Variants in NEMF observed in about 807,000 individuals in gnomAD.
NEMF encodes ribosome quality control complex subunit NEMF.
A neutral mutation model predicts 162.2 loss-of-function variants in NEMF; 89 were observed. That is an observed-to-expected ratio of 0.55 (90% confidence interval 0.46 to 0.65). The LOEUF is 0.65. NEMF is among the 30% of genes least tolerant of loss of function. The pLI is 0.00. For missense variants in NEMF, 1,133 were observed against 1,261.9 expected (o/e 0.90, Z 1.55); for synonymous variants, 421 against 404.5 (o/e 1.04, Z -0.49).
chr14:49,843,457 G>A (rs1482558767), intron 4 of NEMF, among the ~76,000 whole-genome samples: 1 of 152,106 alleles, frequency 6.6e-6, no homozygotes, highest in African/African-American at 2.4e-5. Flanking sequence ...TCATGCCACT[G>A]AATTCCAGCC....
intron 6 of NEMF, among the ~76,000 whole-genome samples, chr14:49,837,758 T>C (rs1892975636): frequency 6.8e-6 from 1 of 146,918 alleles, no homozygotes; most frequent in Non-Finnish European, 1.5e-5. Flanking sequence ...GGATCAAAAA[T>C]GCTTATTGGG....
intron 16 of NEMF, among the ~76,000 whole-genome samples, chr14:49,816,508 C>G (rs1891722768): frequency 1.3e-5 from 2 of 152,202 alleles, no homozygotes; most frequent in Non-Finnish European, 2.9e-5. Flanking sequence ...ATAAAGCTTG[C>G]TGGCTTTAAG....
Position 49,846,247 on chromosome 14 carries a change from T to C in NEMF, c.250A>G (p.Ser84Gly), listed in dbSNP as rs1340513790. Reference protein sequence around the residue: ...FAMKCRKHLKSRRLVSAKQLG... With the variant: ...FAMKCRKHLKGRRLVSAKQLG... ...TGTTTTGCACTGACTAATCTCCGAC[T>C]CTTCAAATGTTTTCGGCACTAGCAA... Residue 84 changes from serine (S) to glycine (G), a missense_variant, in exon 4 of 33, where the codon AGT becomes GGT. By Grantham distance (56) the Ser-to-Gly change is moderately conservative. Around this residue, in one of 3 missense-constraint regions of NEMF, gnomAD observed 582 missense variants for 631.5 expected, o/e 0.92. Coordinates refer to ENST00000298310, the MANE Select transcript of NEMF (RefSeq NM_004713.6). 6.2e-7 allele frequency: 1 copy of C among 1,611,300 alleles called. No homozygotes were observed. Among genetic ancestry groups the C allele is most frequent in the Non-Finnish European group, 8.5e-7 (1 of 1,179,402 alleles).
chr14:49,796,318 C>T (rs146457116), intron 25 of NEMF: 11 of 460,300 alleles, frequency 2.4e-5, no homozygotes, highest in Non-Finnish European at 3.5e-5. Context: ...ATCTGTTGAC[C>T]GGTTGGTTGA....
chr14:49,836,108 C>G (rs1458835226), intron 6 of NEMF, among the ~76,000 whole-genome samples: 1 of 152,104 alleles, frequency 6.6e-6, no homozygotes, highest in Non-Finnish European at 1.5e-5. Context: ...GGTGAAACCC[C>G]ATCTCTACTA....
rs554810200 is a variant in NEMF at position 49,789,550 on chromosome 14, T to G, written c.2643A>C (p.Glu881Asp). 1.9e-6 allele frequency: 3 copies of G among 1,610,984 alleles called. No homozygotes were observed. The highest frequency in any genetic ancestry group is 2.5e-6 in the Non-Finnish European group (3 of 1,179,410). ...CTTCTTCATCCTGGTCTTTGTATTT[T>G]TCTTTCATTTTTTTCATTTTACTCT... Reference protein sequence around the residue: ...GQKSKMKKMKEKYKDQDEEDR... With the variant: ...GQKSKMKKMKDKYKDQDEEDR... Residue 881 changes from glutamate (E) to aspartate (D), a missense_variant, in exon 27 of 33, where the codon GAA (glutamate) becomes GAC (aspartate). Glu to Asp is a conservative substitution (Grantham distance 45). Transcript: ENST00000298310.
intron 3 of NEMF, among the ~76,000 whole-genome samples, chr14:49,850,472 TA>T (rs1893719083): frequency 6.6e-6 from 1 of 152,178 alleles, no homozygotes; most frequent in Non-Finnish European, 1.5e-5. Context: ...TTAAAGAAAC[TA>T]AATTCCAAGA....
At position 49,829,128 on chromosome 14, in the gene NEMF, C is replaced by T. The variant is rs113537682; in HGVS notation, c.1158G>A (p.Gln386=). The change falls in exon 13 of 33, where the codon CAG becomes CAA. Residue 386 remains glutamine, a synonymous_variant. Coordinates refer to ENST00000298310, the MANE Select transcript of NEMF (RefSeq NM_004713.6). ...CACTTGCAACAGGGTCTCCTTGAGC[C>T]TGGGCTTCTTTCACAATTAACCCAA... ...TEIGLIVKEA[Q]AQGDPVASAI... 2.4e-4 allele frequency: 384 copies of T among 1,614,164 alleles called. No homozygotes were observed. In the African/African-American group the frequency reaches 4.1e-3, roughly 17 times the overall value.
chr14:49,824,476 G>C (rs2139947101), intron 16 of NEMF, among the ~76,000 whole-genome samples: 1 of 149,544 alleles, frequency 6.7e-6, no homozygotes, highest in East Asian at 2.0e-4. Flanking sequence ...CTGGAAGGCA[G>C]AGGTTACAGT....
intron 6 of NEMF, 52 bp from the exon 7 acceptor site, chr14:49,834,501 GTTT>G: frequency 1.5e-6 from 2 of 1,342,346 alleles, no homozygotes; most frequent in Non-Finnish European, 2.1e-6. Flanking sequence ...ATTCTTTTTT[GTTT>G]TTGTTTTTTG....
In NEMF at chr14:49,799,451, GTTAA is replaced by G; in HGVS notation, c.2465+20_2465+23del. On this transcript the variant is annotated intron_variant, in intron 25 of 32. Coordinates refer to ENST00000298310, the MANE Select transcript of NEMF (RefSeq NM_004713.6). Reference sequence around the variant, plus strand: ...AAAAAAAAGAAAAACATGCTTTTTAGTTAATTAACACAGATGTGTTTACCTTCTT... The same window carrying G: ...AAAAAAAAGAAAAACATGCTTTTTAGTTAACACAGATGTGTTTACCTTCTT... 1 of 1,568,286 alleles carries G rather than the reference GTTAA, an allele frequency of 6.4e-7. No homozygotes were observed. The highest frequency in any genetic ancestry group is 8.6e-7 in the Non-Finnish European group (1 of 1,161,690).
chr14:49,848,627 G>T (rs1241920103), intron 3 of NEMF, among the ~76,000 whole-genome samples: 2 of 151,774 alleles, frequency 1.3e-5, no homozygotes, highest in African/African-American at 4.8e-5. Flanking sequence ...ACAACGTCAG[G>T]AGTTCAAGAC....
At position 49,829,433 on chromosome 14, in the gene NEMF, T is replaced by C. The variant is rs1413090100; in HGVS notation, c.946-7A>G. ...TCTTCAATGCTTGCTTTTCCTTTTA[T>C]TGGCAAAACAGATTTTTTAAAAATT... On this transcript the variant is annotated splice_polypyrimidine_tract_variant and splice_region_variant and intron_variant, in intron 11 of 32. Coordinates refer to ENST00000298310, the MANE Select transcript of NEMF (RefSeq NM_004713.6). The C allele has an allele frequency of 2.5e-6, 4 of 1,611,308 alleles. No individual in the cohort carries two copies. The highest frequency in any genetic ancestry group is 2.5e-6 in the Non-Finnish European group (3 of 1,178,438).
intron 4 of NEMF, among the ~76,000 whole-genome samples, chr14:49,844,021 C>T (rs528229068): frequency 6.6e-6 from 1 of 151,876 alleles, no homozygotes; most frequent in African/African-American, 2.4e-5. Context: ...ATTGCTTGAA[C>T]CCGGGAGGCA....
intron 11 of NEMF, among the ~76,000 whole-genome samples, chr14:49,830,724 T>C (rs1476208005): frequency 6.6e-6 from 1 of 152,268 alleles, no homozygotes; most frequent in Non-Finnish European, 1.5e-5. Flanking sequence ...ATTTTAAGAC[T>C]GTTTTTGAAA....
intron 6 of NEMF, among the ~76,000 whole-genome samples, chr14:49,835,923 A>T (rs990190129): frequency 4.6e-5 from 7 of 152,242 alleles, no homozygotes; most frequent in Non-Finnish European, 7.3e-5. Flanking sequence ...GTTTAGGAAT[A>T]AATCTAACTG....
intron 16 of NEMF, among the ~76,000 whole-genome samples, chr14:49,823,645 A>T (rs866433500): frequency 6.6e-5 from 10 of 152,176 alleles, no homozygotes; most frequent in African/African-American, 2.4e-4. Context: ...GATTTCCAGA[A>T]GGAAAAGAAA....
At chr14:49,820,557 T>A (rs1594769441) in intron 16 of NEMF, 1 of 453,774 alleles carries the variant, frequency 2.2e-6, no homozygotes. Context: ...TCACTTGAGG[T>A]CAGGAGTTCG....
rs546480097 is a variant in NEMF at position 49,786,973 on chromosome 14, GAGA to G, written c.2896-226_2896-224del. On this transcript the variant is annotated intron_variant, in intron 28 of 32. Transcript: ENST00000298310. ...TACTTAAGAAAGTAATGTCATTCAA[GAGA>G]AGAAGGGTAGTTCTCTGAAGTAGAG... The G allele has an allele frequency of 1.1e-3, 511 of 477,030 alleles. 4 individuals carry two copies. Among genetic ancestry groups the G allele is most frequent in the African/African-American group, 9.5e-3 (484 of 51,202 alleles). The allele number at this position is 477,030 out of a possible 1,614,324, so 29.5% of individuals were successfully genotyped here. A position where few individuals can be genotyped will look rare whatever the true frequency, so the allele number is the denominator to read the frequency against.
Sources: allele counts gnomAD v4.1 joint callset (sites outside exome capture counted in the v4.1 genomes callset), GRCh38; gene constraint gnomAD v4.1.1; regional missense constraint gnomAD v4.1.1; transcripts MANE v1.5; gene names NCBI Gene and HGNC (gene_info 2026-07-23, HGNC 2026-07-21).